Variants in NPTX1 observed in about 807,000 individuals in gnomAD.
NPTX1 encodes the protein neuronal pentraxin 1.
Under a neutral mutation model 38.7 loss-of-function variants are expected in NPTX1, and 12 were observed. That is an observed-to-expected ratio of 0.31 (90% CI 0.20 to 0.50). The LOEUF (loss-of-function observed/expected upper bound fraction) is 0.50, where lower values mean the gene tolerates loss of function less well. NPTX1 is among the 20% of genes least tolerant of loss of function. The probability of loss-of-function intolerance (pLI) is 0.98; values close to 1 mark genes in which losing one functional copy is unlikely to be tolerated. For missense variants in NPTX1, 454 were observed against 592.2 expected (o/e 0.77, Z 2.42); for synonymous variants, 272 against 264.9 (o/e 1.03, Z -0.26).
chr17:80,475,453 A>C lies in NPTX1; in HGVS notation c.652+58T>G. ...GCTGGGCTGTTAGGGATCGGGACCG[A>C]GGCAGGGTCGGGCAAGCAGGTGCAG... On this transcript the variant is annotated intron_variant, in intron 2 of 4. Coordinates refer to ENST00000306773, the MANE Select transcript of NPTX1 (RefSeq NM_002522.4). This position sits in a 1 kb window ranked among gnomAD's most constrained non-coding sequence, Gnocchi z 6.5. The C allele has an allele frequency of 6.9e-7, 1 of 1,452,960 alleles. No homozygotes were observed. The highest frequency in any genetic ancestry group is 2.3e-5 in the East Asian group (1 of 43,494). 90.0% of individuals were successfully genotyped at this position (1,452,960 alleles called of 1,614,324 possible).
In NPTX1 at chr17:80,467,662, A is replaced by C. The variant is rs2083813728; in HGVS notation, c.*3151T>G. 1 of 152,056 alleles carries C rather than the reference A, an allele frequency of 6.6e-6. No individual in the cohort carries two copies. The highest frequency in any genetic ancestry group is 1.5e-5 in the Non-Finnish European group (1 of 68,038). 9.4% of individuals were successfully genotyped at this position (152,056 alleles called of 1,614,324 possible). A position where few individuals can be genotyped will look rare whatever the true frequency, so the allele number is the denominator to read the frequency against. ...TGATCTTTGCAGTCTTAGAAAATAA[A>C]CTGGGAATCTACAAAAGGAAAAGAA... On this transcript the variant is annotated 3_prime_UTR_variant, in exon 5 of 5. Coordinates refer to ENST00000306773, the MANE Select transcript of NPTX1 (RefSeq NM_002522.4).
chr17:80,474,386 C>T (rs1245843362), intron 2 of NPTX1: 4 of 152,336 alleles, frequency 2.6e-5, no homozygotes, highest in Admixed American at 2.0e-4. Flanking sequence ...AACACACACC[C>T]CTTGGTCAAT....
Position 80,473,224 on chromosome 17 carries a change from G to T in NPTX1, c.873C>A (p.Pro291=). The change falls in exon 3 of 5, where the codon CCC becomes CCA. Residue 291 remains proline, a synonymous_variant. Coordinates refer to ENST00000306773, the MANE Select transcript of NPTX1 (RefSeq NM_002522.4). ...CCTTGTCATTGATGAGGATCTCCAT[G>T]GGGTTGTTGCCCCACTCAATGAGGA... ...ELVLIEWGNN[P]MEILINDKVA... is the part of the protein sequence containing the mutation. The T allele has an allele frequency of 6.2e-7, 1 of 1,613,526 alleles. No individual in the cohort carries two copies. Among genetic ancestry groups the T allele is most frequent in the South Asian group, 1.1e-5 (1 of 91,088 alleles).
At chr17:80,474,808 C>G (rs947822396) in intron 2 of NPTX1, 3 of 145,198 alleles carry the variant, frequency 2.1e-5, no homozygotes, top group East Asian at 2.2e-4. Flanking sequence ...GCACCCCCCC[C>G]CCTCCCCTTT....
In NPTX1 at chr17:80,470,557, A is replaced by G. The variant is rs896102851; in HGVS notation, c.*256T>C. On this transcript the variant is annotated 3_prime_UTR_variant, in exon 5 of 5. Coordinates refer to ENST00000306773, the MANE Select transcript of NPTX1 (RefSeq NM_002522.4). ...TCTGCCTTGTTCAAGACGTTGCAGC[A>G]CCCACTTCAGCTGTGAATGGGGCAT... The G allele has an allele frequency of 2.5e-6, 1 of 393,830 alleles. No individual in the cohort carries two copies. The highest frequency in any genetic ancestry group is 2.0e-5 in the African/African-American group (1 of 50,036). 24.4% of individuals were successfully genotyped at this position (393,830 alleles called of 1,614,324 possible).
Position 80,473,654 on chromosome 17 carries a change from C to T in NPTX1, c.653-210G>A, listed in dbSNP as rs1231414327. The T allele has an allele frequency of 5.1e-6, 3 of 585,818 alleles. No homozygotes were observed. The Admixed American group carries it at 9.0e-5, about 18-fold the overall frequency. 36.3% of individuals were successfully genotyped at this position (585,818 alleles called of 1,614,324 possible). On this transcript the variant is annotated intron_variant, in intron 2 of 4. Transcript: ENST00000306773. ...AAAGAGCTGACCCAAGCTCTTCATG[C>T]TCCAGGTCTGGCCTGCTGTCACGCC... is the stretch of plus-strand genomic sequence containing the variant.
chr17:80,467,641 C>A lies in NPTX1; in HGVS notation c.*3172G>T, dbSNP rs2083813684. 6.6e-6 allele frequency: 1 copy of A among 152,346 alleles called. No homozygotes were observed. Among genetic ancestry groups the A allele is most frequent in the South Asian group, 2.1e-4 (1 of 4,826 alleles). 9.4% of individuals were successfully genotyped at this position (152,346 alleles called of 1,614,324 possible). ...GTCCCAGGGCTGGTGACAAAGTGAT[C>A]TTTGCAGTCTTAGAAAATAAACTGG... On this transcript the variant is annotated 3_prime_UTR_variant, in exon 5 of 5. Coordinates refer to ENST00000306773, the MANE Select transcript of NPTX1 (RefSeq NM_002522.4).
At position 80,475,431 on chromosome 17, in the gene NPTX1, G is replaced by A; in HGVS notation, c.652+80C>T. 8.5e-7 allele frequency: 1 copy of A among 1,173,358 alleles called. No individual in the cohort carries two copies. Among genetic ancestry groups the A allele is most frequent in the Non-Finnish European group, 1.2e-6 (1 of 820,726 alleles). The allele number at this position is 1,173,358 out of a possible 1,614,324, so 72.7% of individuals were successfully genotyped here. Reference sequence around the variant, plus strand: ...CTTGAGGCTTGCACAGTGCAGAGCTGGGCTGTTAGGGATCGGGACCGAGGC... The same window carrying A: ...CTTGAGGCTTGCACAGTGCAGAGCTAGGCTGTTAGGGATCGGGACCGAGGC... On this transcript the variant is annotated intron_variant, in intron 2 of 4. Transcript: ENST00000306773. This position sits in a 1 kb window ranked among gnomAD's most constrained non-coding sequence, Gnocchi z 6.5.
At chr17:80,474,387 C>G (rs1187885910) in intron 2 of NPTX1, 1 of 152,336 alleles carries the variant, frequency 6.6e-6, no homozygotes, top group Non-Finnish European at 1.5e-5. Context: ...ACACACACCC[C>G]TTGGTCAATC....
chr17:80,473,126 T>A, intron 3 of NPTX1, 74 bp downstream of exon 3: 4 of 1,511,538 alleles, frequency 2.6e-6, no homozygotes, highest in African/African-American at 1.4e-5. Flanking sequence ...ACCATAGCCC[T>A]GTCTCCGCAT....
chr17:80,476,216 C>G lies in NPTX1; in HGVS notation c.231G>C (p.Glu77Asp). The change falls in exon 1 of 5, where the codon GAG becomes GAC. Residue 77 changes from glutamate to aspartate, a missense_variant. Transcript: ENST00000306773. The surrounding 1 kb of genome is among the most constrained non-coding windows in gnomAD (Gnocchi z 6.3). ...GCTTGGCGGTCAGCTCGCGGATGGT[C>G]TCCTTCTGGCTCAGGATGGTCTCCT... ...QQKETILSQKETIRELTAKLG... is the reference protein window; with the variant it reads ...QQKETILSQKDTIRELTAKLG... 6.4e-7 allele frequency: 1 copy of G among 1,574,036 alleles called. No individual in the cohort carries two copies. The highest frequency in any genetic ancestry group is 8.6e-7 in the Non-Finnish European group (1 of 1,166,798).
At chr17:80,474,875 C>A (rs2083869538) in intron 2 of NPTX1, among the ~76,000 whole-genome samples, 2 of 150,608 alleles carry the variant, frequency 1.3e-5, no homozygotes, top group South Asian at 2.1e-4. Flanking sequence ...CTCATCCAGG[C>A]GCCCTGGGTG....
Position 80,475,994 on chromosome 17 carries a change from C to T in NPTX1, c.444+9G>A. ...GGAGGGGGAACCGGAGCCGAGGGCG[C>T]GCGCGGACCTCGAGGTTCTCCAGGC... On this transcript the variant is annotated intron_variant, in intron 1 of 4. Coordinates refer to ENST00000306773, the MANE Select transcript of NPTX1 (RefSeq NM_002522.4). This position sits in a 1 kb window ranked among gnomAD's most constrained non-coding sequence, Gnocchi z 6.5. 1 of 1,599,988 alleles carries T rather than the reference C, an allele frequency of 6.3e-7. No individual in the cohort carries two copies.
rs780125242 is a variant in NPTX1 at position 80,475,765 on chromosome 17, G to T, written c.445-47C>A. ...GAAACCACACCGTTAGGCGAGGCGC[G>T]GGGACCGTGCTGGAAGGCCCGCGGC... On this transcript the variant is annotated intron_variant, in intron 1 of 4. Transcript: ENST00000306773. This position sits in a 1 kb window ranked among gnomAD's most constrained non-coding sequence, Gnocchi z 6.5. 18 of 1,460,526 alleles carry T rather than the reference G, an allele frequency of 1.2e-5. No homozygotes were observed. Among genetic ancestry groups the T allele is most frequent in the Non-Finnish European group, 1.6e-5 (17 of 1,057,522 alleles). 90.5% of individuals were successfully genotyped at this position (1,460,526 alleles called of 1,614,324 possible). A position where few individuals can be genotyped will look rare whatever the true frequency, so the allele number is the denominator to read the frequency against.
At position 80,476,477 on chromosome 17, in the gene NPTX1, C is replaced by T. The variant is rs7226303; in HGVS notation, c.-31G>A. 0.012 allele frequency: 14,524 copies of T among 1,162,742 alleles called. 1,465 individuals are homozygous for T. The African/African-American group carries it at 0.21, about 17-fold the overall frequency. The allele number at this position is 1,162,742 out of a possible 1,614,324, so 72.0% of individuals were successfully genotyped here. On this transcript the variant is annotated 5_prime_UTR_variant, in exon 1 of 5. Coordinates refer to ENST00000306773, the MANE Select transcript of NPTX1 (RefSeq NM_002522.4). This position sits in a 1 kb window ranked among gnomAD's most constrained non-coding sequence, Gnocchi z 6.3. Reference sequence around the variant, plus strand: ...CGGGCACCGGGCGCTCCGGGCCCGGCTCGGCTCGGCTGGGGCTCGGCTCCG... The same window carrying T: ...CGGGCACCGGGCGCTCCGGGCCCGGTTCGGCTCGGCTGGGGCTCGGCTCCG...
Position 80,476,541 on chromosome 17 carries a change from C to A in NPTX1, c.-95G>T, listed in dbSNP as rs998232223. ...TCGGGCTGTGGCTCCGCGAGCGGCCCGCGCTCTGGGCGCCGCGCTCTTCGG... is the reference window on the plus strand; with the variant it reads ...TCGGGCTGTGGCTCCGCGAGCGGCCAGCGCTCTGGGCGCCGCGCTCTTCGG... On this transcript the variant is annotated 5_prime_UTR_variant, in exon 1 of 5. Transcript: ENST00000306773. The surrounding 1 kb of genome is among the most constrained non-coding windows in gnomAD (Gnocchi z 6.3). 5.0e-5 allele frequency: 33 copies of A among 659,826 alleles called. No individual in the cohort carries two copies. The highest frequency in any genetic ancestry group is 5.9e-5 in the Non-Finnish European group (31 of 528,694). The allele number at this position is 659,826 out of a possible 1,614,324, so 40.9% of individuals were successfully genotyped here.
chr17:80,471,111 AG>A, intron 4 of NPTX1, 77 bp from the exon 5 acceptor site: 1 of 1,172,840 alleles, frequency 8.5e-7, no homozygotes, highest in Non-Finnish European at 1.2e-6. Flanking sequence ...CGGGGATCTG[AG>A]TGCCTCTGTG....
rs201690477 is a variant in NPTX1 at position 80,473,344 on chromosome 17, G to A, written c.753C>T (p.Tyr251=). 1.8e-4 allele frequency: 293 copies of A among 1,614,104 alleles called. 1 individual carries two copies. The East Asian group carries it at 4.7e-3, about 26-fold the overall frequency. ...TGAGCCACATGCAGACAGTGAAGGC[G>A]TACATCTCTGGCAGGCTCTTCTTCA... is the stretch of plus-strand genomic sequence containing the variant. ...AKVKKSLPEM[Y]AFTVCMWLKS... is the part of the protein sequence containing the mutation. The change falls in exon 3 of 5, where the codon TAC becomes TAT. Residue 251 remains tyrosine (Y), a synonymous_variant. Coordinates refer to ENST00000306773, the MANE Select transcript of NPTX1 (RefSeq NM_002522.4).
chr17:80,476,021 G>A lies in NPTX1; in HGVS notation c.426C>T (p.Thr142=), dbSNP rs775276055. 9.9e-6 allele frequency: 16 copies of A among 1,608,836 alleles called. No individual in the cohort carries two copies. The Admixed American group carries it at 2.7e-4, about 27-fold the overall frequency. The change falls in exon 1 of 5, where the codon ACC becomes ACT. Residue 142 remains threonine, a synonymous_variant. Transcript: ENST00000306773. The surrounding 1 kb of genome is among the most constrained non-coding windows in gnomAD (Gnocchi z 6.3). ...CGCGGACCTCGAGGTTCTCCAGGCG[G>A]GTTTTGAGCGATTGCAAAGTTTGCC... ...QLGQTLQSLK[T]RLENLEQYSR...
Sources: allele counts gnomAD v4.1 joint callset (sites outside exome capture counted in the v4.1 genomes callset), GRCh38; gene constraint gnomAD v4.1.1; non-coding constraint Gnocchi (gnomAD v3.1); transcripts MANE v1.5; gene names NCBI Gene and HGNC (gene_info 2026-07-23, HGNC 2026-07-21).